Variants in ZNF618 observed in about 807,000 individuals in gnomAD.
The protein encoded by ZNF618 is zinc finger protein 618, also known as neural precursor cell expressed, developmentally down-regulated 10.
ZNF618 carries 34 observed loss-of-function variants against 103.0 expected under a neutral mutation model. The observed-to-expected ratio is 0.33, with a 90% CI of 0.25 to 0.44. ZNF618 has a LOEUF of 0.44. ZNF618 is among the 20% of genes least tolerant of loss of function. The probability of loss-of-function intolerance (pLI) is 1.00; values close to 1 mark genes in which losing one functional copy is unlikely to be tolerated. For missense variants in ZNF618, 1,059 were observed against 1,295.4 expected (o/e 0.82, Z 2.80); for synonymous variants, 551 against 542.2 (o/e 1.02, Z -0.23).
intron 9 of ZNF618, among the ~76,000 whole-genome samples, chr9:114,013,250 C>A (rs984791755): frequency 2.0e-4 from 31 of 152,054 alleles, no homozygotes; most frequent in African/African-American, 7.5e-4. Flanking sequence ...AAGATATACT[C>A]TGATGAACTA....
intron 11 of ZNF618, 77 bp from the exon 12 acceptor site, chr9:114,032,568 C>A: frequency 7.1e-7 from 1 of 1,414,570 alleles, no homozygotes; most frequent in Non-Finnish European, 1.0e-6. Flanking sequence ...TTGGCCTTCA[C>A]CCAGCCTACC....
At chr9:113,934,823 T>C (rs1017978374) in intron 1 of ZNF618, among the ~76,000 whole-genome samples, 1 of 152,202 alleles carries the variant, frequency 6.6e-6, no homozygotes, top group Non-Finnish European at 1.5e-5. Flanking sequence ...GGCGTGAGGA[T>C]GTGCCTGGCC....
At chr9:113,940,577 T>C (rs1355893499) in intron 1 of ZNF618, among the ~76,000 whole-genome samples, 2 of 149,132 alleles carry the variant, frequency 1.3e-5, no homozygotes, top group Non-Finnish European at 3.0e-5. Context: ...AGTTAAAATT[T>C]TGGGGGGGTG....
chr9:113,984,623 T>C (rs1204348978), intron 2 of ZNF618, among the ~76,000 whole-genome samples: 1 of 152,180 alleles, frequency 6.6e-6, no homozygotes, highest in Non-Finnish European at 1.5e-5. Flanking sequence ...GGTCAGGTGC[T>C]CTTGAGGCCT....
At chr9:113,920,406 T>G (rs914803132) in intron 1 of ZNF618, among the ~76,000 whole-genome samples, 2 of 27,100 alleles carry the variant, frequency 7.4e-5, no homozygotes, top group African/African-American at 1.3e-4. Context: ...AGAGTCACAA[T>G]TTTTTTTTTT....
chr9:114,005,432 C>G (rs911526485), intron 6 of ZNF618, among the ~76,000 whole-genome samples: 5 of 152,176 alleles, frequency 3.3e-5, no homozygotes, highest in Admixed American at 2.6e-4. Context: ...GGTGTCAGAG[C>G]AGGGTGGGGG....
chr9:114,010,439 G>T (rs566313211), intron 9 of ZNF618, among the ~76,000 whole-genome samples: 1 of 152,306 alleles, frequency 6.6e-6, no homozygotes, highest in African/African-American at 2.4e-5. Context: ...GGGCGTGGTG[G>T]CTCTCGCCTG....
At chr9:113,965,874 G>C (rs1837357616) in intron 1 of ZNF618, among the ~76,000 whole-genome samples, 1 of 152,144 alleles carries the variant, frequency 6.6e-6, no homozygotes, top group African/African-American at 2.4e-5. Context: ...TAGTACTTTA[G>C]TGACATTACT....
intron 1 of ZNF618, among the ~76,000 whole-genome samples, chr9:113,929,516 C>A (rs1243087283): frequency 6.6e-6 from 1 of 152,164 alleles, no homozygotes; most frequent in Non-Finnish European, 1.5e-5. Flanking sequence ...TGTTGATGTT[C>A]TCCTATTTCA....
chr9:113,915,944 G>T (rs1021356848), intron 1 of ZNF618, among the ~76,000 whole-genome samples: 1 of 152,136 alleles, frequency 6.6e-6, no homozygotes, highest in Non-Finnish European at 1.5e-5. Flanking sequence ...TTAAATATTC[G>T]TTGAGTGAAT....
chr9:114,036,011 C>G (rs1844561286), intron 12 of ZNF618, among the ~76,000 whole-genome samples: 2 of 152,334 alleles, frequency 1.3e-5, no homozygotes, highest in Admixed American at 6.5e-5. Flanking sequence ...CTCCCTACCC[C>G]CATCTCAAGT....
At position 114,050,436 on chromosome 9, in the gene ZNF618, A is replaced by G. The variant is rs943213286; in HGVS notation, c.*269A>G. On this transcript the variant is annotated 3_prime_UTR_variant, in exon 15 of 15. Transcript: ENST00000374126. ...ATCTCCATGGCCAGAGAAACTTTGC[A>G]CACACGCACACACACACACACACAC... 6 of 322,358 alleles carry G rather than the reference A, an allele frequency of 1.9e-5. No homozygotes were observed. Among genetic ancestry groups the G allele is most frequent in the African/African-American group, 6.5e-5 (2 of 30,598 alleles). The allele number at this position is 322,358 out of a possible 1,614,324, so 20.0% of individuals were successfully genotyped here.
rs565572789 is a variant in ZNF618, at chr9:114,049,822, G to T, written c.2520G>T (p.Trp840Cys). Residue 840 changes from tryptophan to cysteine, a missense_variant, in exon 15 of 15, where the codon TGG becomes TGT. Trp to Cys is a radical substitution (Grantham distance 215). Transcript: ENST00000374126. ...CELINEVKES[W>C]AEEADFEPAA... ...TCATCAACGAGGTGAAGGAGTCCTGGGCCGAGGAGGCCGACTTCGAGCCCG... is the reference window on the plus strand; with the variant it reads ...TCATCAACGAGGTGAAGGAGTCCTGTGCCGAGGAGGCCGACTTCGAGCCCG... 29 of 1,613,986 alleles carry T rather than the reference G, an allele frequency of 1.8e-5. No homozygotes were observed. The South Asian group carries it at 3.1e-4, about 17-fold the overall frequency.
intron 1 of ZNF618, among the ~76,000 whole-genome samples, chr9:113,910,198 C>T (rs770785755): frequency 7.2e-5 from 11 of 152,142 alleles, no homozygotes; most frequent in Non-Finnish European, 1.6e-4. Flanking sequence ...CTCATGCTGT[C>T]TCTCCTGCTG....
chr9:113,958,799 A>C (rs1253629323), intron 1 of ZNF618, among the ~76,000 whole-genome samples: 2 of 151,488 alleles, frequency 1.3e-5, no homozygotes, highest in South Asian at 2.1e-4. Flanking sequence ...ACCTCAGCCA[A>C]CCCTCCCTGG....
intron 1 of ZNF618, among the ~76,000 whole-genome samples, chr9:113,959,202 G>A (rs922453988): frequency 6.6e-6 from 1 of 152,040 alleles, no homozygotes; most frequent in Non-Finnish European, 1.5e-5. Context: ...GGCAGGAATT[G>A]CTTGAACCTG....
Position 113,969,955 on chromosome 9 carries a change from G to C in ZNF618, c.77+795G>C, listed in dbSNP as rs1324258416. Among the ~76,000 whole-genome samples, 4 of 152,132 alleles carry C rather than the reference G, an allele frequency of 2.6e-5. No homozygotes were observed. In the East Asian group the frequency reaches 7.7e-4, roughly 29 times the overall value. The stretch of plus-strand genomic sequence containing the variant: ...CTAGGGTTACCTGTTAGAGCTGAGG[G>C]TCAGATTGTGAATGCCAAGCAGAAG... On this transcript the variant is annotated intron_variant, in intron 2 of 14. Coordinates refer to ENST00000374126, the MANE Select transcript of ZNF618 (RefSeq NM_001318042.2).
intron 10 of ZNF618, among the ~76,000 whole-genome samples, chr9:114,025,958 T>C (rs1267495269): frequency 6.6e-6 from 1 of 152,164 alleles, no homozygotes; most frequent in Non-Finnish European, 1.5e-5. Context: ...GAGTTCCTGC[T>C]CTCTTGGAGC....
intron 2 of ZNF618, among the ~76,000 whole-genome samples, chr9:113,977,751 A>G (rs1265472911): frequency 1.3e-5 from 2 of 152,194 alleles, no homozygotes; most frequent in East Asian, 1.9e-4. Flanking sequence ...AACCTTCCAC[A>G]TGCCACAGCA....
Sources: allele counts gnomAD v4.1 joint callset (sites outside exome capture counted in the v4.1 genomes callset), GRCh38; gene constraint gnomAD v4.1.1; transcripts MANE v1.5; gene names NCBI Gene and HGNC (gene_info 2026-07-23, HGNC 2026-07-21).